The following CNTN4 variants were observed in gnomAD, a reference collection of about 807,000 sequenced individuals.
CNTN4 encodes the protein contactin 4.
In CNTN4, 77 loss-of-function variants were observed where a neutral mutation model predicts 122.5. That is an observed-to-expected ratio of 0.63 (90% CI 0.52 to 0.76). The LOEUF (loss-of-function observed/expected upper bound fraction) is 0.76, where lower values mean the gene tolerates loss of function less well. CNTN4 is among the 30% of genes least tolerant of loss of function. The pLI is 0.00. For synonymous variants in CNTN4, 512 were observed against 447.0 expected, an observed-to-expected ratio of 1.15 and a Z score of -1.83; for missense variants, 1,256 against 1,259.1, an observed-to-expected ratio of 1.00 and a Z score of 0.04.
rs551929259 is a variant in CNTN4 at position 2,415,260 on chromosome 3, A to G, written c.-89+76027A>G. 2.0e-5 allele frequency among the ~76,000 whole-genome samples: 3 copies of G among 152,260 alleles called. No homozygotes were observed. The South Asian group carries it at 6.2e-4, about 32-fold the overall frequency. ...TCTCAGCATGAATGACCATTCAAGG[A>G]GCAACAGTATTTTATAAAAGTATTG... On this transcript the variant is annotated intron_variant, in intron 3 of 24. Coordinates refer to ENST00000418658, the MANE Select transcript of CNTN4 (RefSeq NM_175607.3).
At chr3:2,917,181 A>G (rs953977663) in intron 12 of CNTN4, among the ~76,000 whole-genome samples, 2 of 150,190 alleles carry the variant, frequency 1.3e-5, no homozygotes, top group Non-Finnish European at 2.9e-5. Context: ...CGCGCCTGCA[A>G]TCGCAGGCAG....
intron 8 of CNTN4, 106 bp downstream of exon 8, chr3:2,867,055 T>A: frequency 9.7e-7 from 1 of 1,030,078 alleles, no homozygotes; most frequent in Non-Finnish European, 1.5e-6. Context: ...AAATTAAATG[T>A]AAGAAAAGTT....
chr3:2,995,518 C>G (rs1695456201), intron 14 of CNTN4, among the ~76,000 whole-genome samples: 1 of 152,182 alleles, frequency 6.6e-6, no homozygotes, highest in Admixed American at 6.6e-5. Flanking sequence ...GATGTAATTC[C>G]TTAACTGTTA....
intron 2 of CNTN4, among the ~76,000 whole-genome samples, chr3:2,233,217 A>G (rs1320715525): frequency 1.3e-5 from 2 of 152,140 alleles, no homozygotes; most frequent in Non-Finnish European, 2.9e-5. Flanking sequence ...TTTTATTTTT[A>G]CATACCAGAT....
chr3:2,672,837 T>C (rs558771597), intron 4 of CNTN4, among the ~76,000 whole-genome samples: 1 of 152,330 alleles, frequency 6.6e-6, no homozygotes, highest in East Asian at 1.9e-4. Flanking sequence ...GTAATAGTTA[T>C]AAGAAATTTT....
At chr3:2,216,729 A>T (rs1209935465) in intron 2 of CNTN4, among the ~76,000 whole-genome samples, 1 of 152,216 alleles carries the variant, frequency 6.6e-6, no homozygotes, top group Admixed American at 6.5e-5. Context: ...AACCTAAAAA[A>T]AGGAGTTCCC....
At chr3:2,262,603 G>C (rs1447625643) in intron 2 of CNTN4, among the ~76,000 whole-genome samples, 8 of 147,230 alleles carry the variant, frequency 5.4e-5, no homozygotes, top group Non-Finnish European at 1.2e-4. Context: ...GATACACAAA[G>C]ATGTGATATA....
chr3:3,027,768 G>C (rs1454304027), intron 15 of CNTN4, among the ~76,000 whole-genome samples: 1 of 152,182 alleles, frequency 6.6e-6, no homozygotes, highest in Non-Finnish European at 1.5e-5. Flanking sequence ...AATCGAAGTG[G>C]ACGTCCTACC....
chr3:2,474,660 T>G (rs1001527928), intron 3 of CNTN4, among the ~76,000 whole-genome samples: 6 of 152,164 alleles, frequency 3.9e-5, no homozygotes, highest in Middle Eastern at 3.2e-3. Context: ...GGAAACAACA[T>G]TTAGAATAAG....
intron 4 of CNTN4, among the ~76,000 whole-genome samples, chr3:2,728,339 G>A (rs943812894): frequency 1.3e-5 from 2 of 152,174 alleles, no homozygotes; most frequent in Admixed American, 6.5e-5. Flanking sequence ...AGGAAGCCTG[G>A]AGGAGAAGGT....
At chr3:2,425,222 T>C (rs1343549971) in intron 3 of CNTN4, among the ~76,000 whole-genome samples, 2 of 152,222 alleles carry the variant, frequency 1.3e-5, no homozygotes, top group Non-Finnish European at 2.9e-5. Flanking sequence ...TTTAAGTCTT[T>C]AATCCATCTT....
chr3:2,963,685 C>A (rs1168516635), intron 13 of CNTN4, among the ~76,000 whole-genome samples: 1 of 152,100 alleles, frequency 6.6e-6, no homozygotes, highest in Non-Finnish European at 1.5e-5. Flanking sequence ...CAACACACAC[C>A]AAAAGTCCAT....
At chr3:2,969,000 T>A (rs1692607691) in intron 13 of CNTN4, among the ~76,000 whole-genome samples, 1 of 152,178 alleles carries the variant, frequency 6.6e-6, no homozygotes, top group African/African-American at 2.4e-5. Context: ...TCCATAAAAT[T>A]CACTCATTTT....
Position 2,675,847 on chromosome 3 carries a change from T to C in CNTN4, c.56-60368T>C, listed in dbSNP as rs568976350. ...ACACTGCTAAGCCTAATATGTCTGT[T>C]ATCTCATTTGTTTCTCATATCAACC... is the stretch of plus-strand genomic sequence containing the variant. On this transcript the variant is annotated intron_variant, in intron 4 of 24. Coordinates refer to ENST00000418658, the MANE Select transcript of CNTN4 (RefSeq NM_175607.3). 2.0e-4 allele frequency among the ~76,000 whole-genome samples: 30 copies of C among 152,358 alleles called. No homozygotes were observed. The East Asian group carries it at 4.6e-3, about 24-fold the overall frequency.
intron 3 of CNTN4, among the ~76,000 whole-genome samples, chr3:2,373,747 T>G (rs2045717217): frequency 6.6e-6 from 1 of 152,210 alleles, no homozygotes; most frequent in Admixed American, 6.5e-5. Flanking sequence ...TTTGGACAGA[T>G]AGATACTGTG....
At chr3:2,797,640 G>C (rs1226279490) in intron 6 of CNTN4, among the ~76,000 whole-genome samples, 6 of 152,146 alleles carry the variant, frequency 3.9e-5, no homozygotes, top group South Asian at 4.1e-4. Context: ...AAAGAGTTCA[G>C]TGCCCAGATG....
chr3:2,762,554 C>G (rs1385734604), intron 6 of CNTN4, among the ~76,000 whole-genome samples: 3 of 152,156 alleles, frequency 2.0e-5, no homozygotes, highest in Non-Finnish European at 4.4e-5. Flanking sequence ...GTATGTACCA[C>G]ATTTTCTTTA....
chr3:2,390,747 A>G (rs2046413809), intron 3 of CNTN4, among the ~76,000 whole-genome samples: 2 of 152,320 alleles, frequency 1.3e-5, no homozygotes, highest in Non-Finnish European at 2.9e-5. Context: ...TTTACAAAAG[A>G]AATAATGTTG....
At chr3:2,744,004 A>G (rs1222548261) in intron 5 of CNTN4, among the ~76,000 whole-genome samples, 1 of 152,084 alleles carries the variant, frequency 6.6e-6, no homozygotes, top group African/African-American at 2.4e-5. Context: ...TTGTGGAGGC[A>G]GCGTTGTGCC....
Sources: allele counts gnomAD v4.1 joint callset (sites outside exome capture counted in the v4.1 genomes callset), GRCh38; gene constraint gnomAD v4.1.1; transcripts MANE v1.5; gene names NCBI Gene and HGNC (gene_info 2026-07-23, HGNC 2026-07-21).